Variants in WWOX observed in about 807,000 individuals in gnomAD.
The protein encoded by WWOX is WW domain containing oxidoreductase.
A neutral mutation model predicts 46.2 loss-of-function variants in WWOX; 69 were observed. The ratio of observed to expected loss-of-function variants is 1.49; its 90% confidence interval spans 1.23 to 1.82. The LOEUF (loss-of-function observed/expected upper bound fraction) is 1.82, where lower values mean the gene tolerates loss of function less well. Ranked by LOEUF, WWOX falls within the 40% of genes most tolerant of loss-of-function variation. The pLI, the probability that WWOX is intolerant of heterozygous loss-of-function variation, is 0.00. For missense variants in WWOX, 919 were observed against 542.6 expected (o/e 1.69, Z -6.89); for synonymous variants, 359 against 202.6 (o/e 1.77, Z -6.56).
At chr16:78,673,617 A>G (rs2047518795) in intron 8 of WWOX, among the ~76,000 whole-genome samples, 1 of 152,226 alleles carries the variant, frequency 6.6e-6, no homozygotes, top group Non-Finnish European at 1.5e-5. Context: ...CGACTTGCTA[A>G]AAGAAAATAT....
intron 8 of WWOX, among the ~76,000 whole-genome samples, chr16:78,687,053 G>A (rs1166534956): frequency 6.6e-6 from 1 of 151,730 alleles, no homozygotes; most frequent in East Asian, 1.9e-4. Flanking sequence ...GATCATTAAG[G>A]AGTTTATTTT....
intron 8 of WWOX, among the ~76,000 whole-genome samples, chr16:78,569,774 A>T (rs532522730): frequency 2.6e-5 from 4 of 152,166 alleles, no homozygotes; most frequent in Non-Finnish European, 4.4e-5. Context: ...TGAACCTTTT[A>T]TCCTCTTCTT....
rs141386331 is a variant in WWOX, at chr16:78,429,589, A to T, written c.792-2899A>T. Among the ~76,000 whole-genome samples, 373 of 152,166 alleles carry T rather than the reference A, an allele frequency of 2.5e-3. 2 individuals carry two copies. The highest frequency in any genetic ancestry group is 6.8e-3 in the Middle Eastern group (2 of 292). On this transcript the variant is annotated intron_variant, in intron 7 of 8. Coordinates refer to ENST00000566780, the MANE Select transcript of WWOX (RefSeq NM_016373.4). Reference sequence around the variant, plus strand: ...GCTATATTTATTCCATACCTTTCAGATACTCTCTAAATCCTTGTCCCTGTT... The same window carrying T: ...GCTATATTTATTCCATACCTTTCAGTTACTCTCTAAATCCTTGTCCCTGTT...
At chr16:78,310,402 T>A (rs1233098271) in intron 5 of WWOX, among the ~76,000 whole-genome samples, 1 of 152,228 alleles carries the variant, frequency 6.6e-6, no homozygotes, top group Non-Finnish European at 1.5e-5. Context: ...TTTCACAGAA[T>A]AACAAACACA....
At chr16:79,042,013 C>T (rs1056059456) in intron 8 of WWOX, among the ~76,000 whole-genome samples, 1 of 152,112 alleles carries the variant, frequency 6.6e-6, no homozygotes, top group Non-Finnish European at 1.5e-5. Context: ...AATGTATATA[C>T]CTTCTATCCT....
At chr16:79,178,380 G>A (rs114963168) in intron 8 of WWOX, among the ~76,000 whole-genome samples, 1,968 of 152,100 alleles carry the variant, frequency 0.013, 31 homozygotes, top group African/African-American at 0.045. Context: ...GCAGTGGTGC[G>A]GTCACAGCTC....
intron 8 of WWOX, among the ~76,000 whole-genome samples, chr16:78,690,693 C>T (rs2047965260): frequency 6.6e-6 from 1 of 152,138 alleles, no homozygotes; most frequent in African/African-American, 2.4e-5. Flanking sequence ...GTCCCTCCAT[C>T]TGGGTGCTTT....
intron 5 of WWOX, among the ~76,000 whole-genome samples, chr16:78,293,749 T>G (rs1597450978): frequency 6.6e-6 from 1 of 151,984 alleles, no homozygotes; most frequent in South Asian, 2.1e-4. Context: ...AGGCCGAGGC[T>G]GGCAGATCAC....
chr16:79,160,964 A>C (rs1005552527), intron 8 of WWOX, among the ~76,000 whole-genome samples: 2 of 152,242 alleles, frequency 1.3e-5, no homozygotes, highest in African/African-American at 4.8e-5. Context: ...TATATAATGT[A>C]GCACGTTTCC....
intron 8 of WWOX, among the ~76,000 whole-genome samples, chr16:78,832,678 G>T (rs528174652): frequency 1.3e-5 from 2 of 152,092 alleles, no homozygotes; most frequent in Non-Finnish European, 2.9e-5. Context: ...ATGTCCTGTG[G>T]TGGCCCTCTC....
intron 8 of WWOX, among the ~76,000 whole-genome samples, chr16:78,490,505 C>G (rs569190378): frequency 2.6e-5 from 4 of 152,108 alleles, no homozygotes; most frequent in African/African-American, 9.7e-5. Flanking sequence ...ACAAGGAGGT[C>G]ACGAACATGC....
At chr16:78,869,144 TA>T (rs2044071143) in intron 8 of WWOX, among the ~76,000 whole-genome samples, 1 of 152,224 alleles carries the variant, frequency 6.6e-6, no homozygotes. Context: ...TATATGTAAT[TA>T]AAATTGTATA....
rs149530709 is a variant in WWOX, at chr16:79,024,062, G to C, written c.1057-187546G>C. Reference sequence around the variant, plus strand: ...AGTACCTAGAATAGGCACCTCCAAAGAGACAGAAAGCAAGCTAGTGATTGC... The same window carrying C: ...AGTACCTAGAATAGGCACCTCCAAACAGACAGAAAGCAAGCTAGTGATTGC... On this transcript the variant is annotated intron_variant, in intron 8 of 8. Transcript: ENST00000566780. Among the ~76,000 whole-genome samples the C allele has an allele frequency of 1.8e-4, 27 of 152,338 alleles. 1 individual carries two copies. The East Asian group carries it at 5.2e-3, about 29-fold the overall frequency.
intron 8 of WWOX, among the ~76,000 whole-genome samples, chr16:78,871,751 C>T (rs2044133328): frequency 1.3e-5 from 2 of 152,186 alleles, no homozygotes; most frequent in African/African-American, 2.4e-5. Context: ...AGGCAGGCAC[C>T]ACCATACCCA....
intron 8 of WWOX, among the ~76,000 whole-genome samples, chr16:78,753,952 T>C (rs899827046): frequency 2.7e-5 from 4 of 149,228 alleles, no homozygotes; most frequent in African/African-American, 9.8e-5. Flanking sequence ...AGGGGAATTC[T>C]GTCTAACACA....
At chr16:78,611,017 G>A (rs1444943026) in intron 8 of WWOX, among the ~76,000 whole-genome samples, 1 of 152,288 alleles carries the variant, frequency 6.6e-6, no homozygotes, top group East Asian at 1.9e-4. Context: ...GAAGCAGGCA[G>A]AGTTGCAATA....
chr16:78,265,528 A>G (rs1228349511), intron 5 of WWOX, among the ~76,000 whole-genome samples: 1 of 151,922 alleles, frequency 6.6e-6, no homozygotes, highest in African/African-American at 2.4e-5. Flanking sequence ...AAAATACAAA[A>G]TTAGCCGGGC....
rs577140135 is a variant in WWOX at position 78,913,009 on chromosome 16, C to G, written c.1057-298599C>G. Among the ~76,000 whole-genome samples, 6 of 152,132 alleles carry G rather than the reference C, an allele frequency of 3.9e-5. No homozygotes were observed. In the East Asian group the frequency reaches 5.8e-4, roughly 15 times the overall value. ...CAGAAGGATGATTAGCCTTCCATCT[C>G]TCGAGTTGTCTCAGAGCACAACAGG... is the stretch of plus-strand genomic sequence containing the variant. On this transcript the variant is annotated intron_variant, in intron 8 of 8. Transcript: ENST00000566780.
rs531604192 is a variant in WWOX, at chr16:78,571,008, G to T, written c.1056+138256G>T. On this transcript the variant is annotated intron_variant, in intron 8 of 8. Transcript: ENST00000566780. ...TATTCATTGCTGAAGAGACTATGTTGCCCAGATGACTTGTTCATGTAATCT... is the reference window on the plus strand; with the variant it reads ...TATTCATTGCTGAAGAGACTATGTTTCCCAGATGACTTGTTCATGTAATCT... Among the ~76,000 whole-genome samples, 4 of 152,256 alleles carry T rather than the reference G, an allele frequency of 2.6e-5. No homozygotes were observed. In the East Asian group the frequency reaches 7.7e-4, roughly 29 times the overall value.
Sources: allele counts gnomAD v4.1 joint callset (sites outside exome capture counted in the v4.1 genomes callset), GRCh38; gene constraint gnomAD v4.1.1; transcripts MANE v1.5; gene names NCBI Gene and HGNC (gene_info 2026-07-23, HGNC 2026-07-21).